The following TTYH3 variants were observed in gnomAD, a reference collection of about 807,000 sequenced individuals.
The protein encoded by TTYH3 is tweety family member 3.
In TTYH3, 23 loss-of-function variants were observed where a neutral mutation model predicts 68.2. The ratio of observed to expected loss-of-function variants is 0.34; its 90% CI spans 0.24 to 0.48. The LOEUF (loss-of-function observed/expected upper bound fraction) is 0.48. Ranked by LOEUF, TTYH3 falls within the 20% of genes least tolerant of loss-of-function variation. The probability of loss-of-function intolerance (pLI) is 0.99; values close to 1 mark genes in which losing one functional copy is unlikely to be tolerated. For synonymous variants in TTYH3, 360 were observed against 332.8 expected (o/e 1.08, Z -0.89); for missense variants, 768 against 727.7 (o/e 1.06, Z -0.64).
intron 10 of TTYH3, 42 bp from the exon 11 acceptor site, chr7:2,656,356 C>T: frequency 1.3e-6 from 2 of 1,594,526 alleles, no homozygotes; most frequent in Non-Finnish European, 1.7e-6. Flanking sequence ...CCCCTCCACC[C>T]TCCCTGTCTC....
At position 2,643,149 on chromosome 7, in the gene TTYH3, A is replaced by G. The variant is rs192240259; in HGVS notation, c.124-3704A>G. 2.6e-3 allele frequency among the ~76,000 whole-genome samples: 401 copies of G among 151,800 alleles called. 5 individuals are homozygous for G. Among genetic ancestry groups the G allele is most frequent in the African/African-American group, 9.1e-3 (378 of 41,350 alleles). ...GGCGGGCAGATCATGAGGTCAGGAA[A>G]TCGAGAGCATCCTGGCTAACACAGT... On this transcript the variant is annotated intron_variant, in intron 1 of 13. Coordinates refer to ENST00000258796, the MANE Select transcript of TTYH3 (RefSeq NM_025250.3).
intron 9 of TTYH3, among the ~76,000 whole-genome samples, chr7:2,654,893 T>C (rs1405530263): frequency 6.6e-6 from 1 of 152,180 alleles, no homozygotes; most frequent in Admixed American, 6.6e-5. Context: ...CCAGCGATTC[T>C]CCTGCTGAGT....
chr7:2,633,139 C>T (rs1785565596), intron 1 of TTYH3, among the ~76,000 whole-genome samples: 1 of 152,142 alleles, frequency 6.6e-6, no homozygotes, highest in Non-Finnish European at 1.5e-5. Flanking sequence ...GGGCAGGGGA[C>T]CAAGCTGTGG....
chr7:2,646,419 C>G (rs185588692), intron 1 of TTYH3, among the ~76,000 whole-genome samples: 1 of 152,250 alleles, frequency 6.6e-6, no homozygotes, highest in Non-Finnish European at 1.5e-5. Context: ...GCAGCGTCCT[C>G]GTTTGTCACC....
chr7:2,641,010 A>G (rs1481144682), intron 1 of TTYH3, among the ~76,000 whole-genome samples: 1 of 152,120 alleles, frequency 6.6e-6, no homozygotes, highest in African/African-American at 2.4e-5. Flanking sequence ...TGGCCTGTGT[A>G]TGGGGACAAT....
Position 2,633,764 on chromosome 7 carries a change from A to C in TTYH3, c.123+1486A>C, listed in dbSNP as rs1370500073. 5.3e-5 allele frequency among the ~76,000 whole-genome samples: 8 copies of C among 152,214 alleles called. No homozygotes were observed. The South Asian group carries it at 8.3e-4, about 16-fold the overall frequency. On this transcript the variant is annotated intron_variant, in intron 1 of 13. Coordinates refer to ENST00000258796, the MANE Select transcript of TTYH3 (RefSeq NM_025250.3). Reference sequence around the variant, plus strand: ...TTTGTCAGTTCTTAAGCTCCGGGGCAGCCCTGGGGCGTGGGGGGCGGCTGT... The same window carrying C: ...TTTGTCAGTTCTTAAGCTCCGGGGCCGCCCTGGGGCGTGGGGGGCGGCTGT...
At chr7:2,642,176 C>T (rs1198222269) in intron 1 of TTYH3, among the ~76,000 whole-genome samples, 1 of 152,216 alleles carries the variant, frequency 6.6e-6, no homozygotes. Context: ...AGGTGGATTG[C>T]TTGAGCCCAG....
At chr7:2,658,879 A>G in intron 12 of TTYH3, 61 bp from the exon 13 acceptor site, 1 of 1,547,760 alleles carries the variant, frequency 6.5e-7, no homozygotes, top group Non-Finnish European at 8.9e-7. Flanking sequence ...GGGCCCCCCG[A>G]CCTGCAGCTG....
intron 1 of TTYH3, among the ~76,000 whole-genome samples, chr7:2,638,769 T>A (rs975268907): frequency 6.6e-6 from 1 of 152,120 alleles, no homozygotes; most frequent in African/African-American, 2.4e-5. Context: ...CCGAGTGTGC[T>A]ATGGGTAGGG....
At position 2,652,173 on chromosome 7, in the gene TTYH3, A is replaced by T; in HGVS notation, c.872-14A>T. 1 of 1,613,118 alleles carries T rather than the reference A, an allele frequency of 6.2e-7. No individual in the cohort carries two copies. The highest frequency in any genetic ancestry group is 8.5e-7 in the Non-Finnish European group (1 of 1,179,780). ...AGCTGTTGCAGCTCAGCCTTCCCTGATGTCTCTCCGCAGACATCCTGCAGT... is the reference window on the plus strand; with the variant it reads ...AGCTGTTGCAGCTCAGCCTTCCCTGTTGTCTCTCCGCAGACATCCTGCAGT... On this transcript the variant is annotated splice_polypyrimidine_tract_variant and intron_variant, in intron 7 of 13. Coordinates refer to ENST00000258796, the MANE Select transcript of TTYH3 (RefSeq NM_025250.3).
rs796889810 is a variant in TTYH3 at position 2,659,573 on chromosome 7, C to T, written c.1500+558C>T. ...GCCTGGTGTCCCCTTTGACTTCCCG[C>T]GTAAGACACAGGCAGGAGGGGACAG... On this transcript the variant is annotated intron_variant, in intron 13 of 13. Transcript: ENST00000258796. Among the ~76,000 whole-genome samples the T allele has an allele frequency of 5.3e-5, 8 of 152,290 alleles. No homozygotes were observed. In the South Asian group the frequency reaches 8.3e-4, roughly 16 times the overall value.
intron 9 of TTYH3, among the ~76,000 whole-genome samples, chr7:2,654,141 T>C (rs1310053932): frequency 6.6e-6 from 1 of 152,150 alleles, no homozygotes; most frequent in Non-Finnish European, 1.5e-5. Context: ...ATGCCTGTCA[T>C]CTCAGCACTC....
intron 13 of TTYH3, chr7:2,660,437 C>T (rs1425493582): frequency 1.9e-5 from 19 of 985,308 alleles, no homozygotes; most frequent in East Asian, 2.3e-4. Flanking sequence ...GTGTCAGGGG[C>T]GTGCACACGG....
chr7:2,656,580 G>A, intron 11 of TTYH3, 46 bp downstream of exon 11: 1 of 1,582,034 alleles, frequency 6.3e-7, no homozygotes, highest in South Asian at 1.1e-5. Flanking sequence ...AGGCCACATG[G>A]CATGCGGGAC....
intron 1 of TTYH3, among the ~76,000 whole-genome samples, chr7:2,634,227 C>T (rs1465682555): frequency 1.3e-5 from 2 of 152,228 alleles, no homozygotes; most frequent in Non-Finnish European, 2.9e-5. Context: ...GCGTCCTGCC[C>T]CTGCCCTTCC....
chr7:2,656,859 A>T (rs2114996574), intron 11 of TTYH3, among the ~76,000 whole-genome samples: 1 of 152,302 alleles, frequency 6.6e-6, no homozygotes, highest in South Asian at 2.1e-4. Flanking sequence ...CTGGCCTCAG[A>T]CTGTCTACTC....
At chr7:2,659,081 G>A (rs1786420090) in intron 13 of TTYH3, 66 bp downstream of exon 13, 4 of 1,493,224 alleles carry the variant, frequency 2.7e-6, no homozygotes, top group Admixed American at 1.7e-5. Context: ...GTTCCACTGC[G>A]TCGGTGGGCT....
At position 2,663,619 on chromosome 7, in the gene TTYH3, G is replaced by C. The variant is rs1198348919; in HGVS notation, c.*1880G>C. On this transcript the variant is annotated 3_prime_UTR_variant, in exon 14 of 14. Coordinates refer to ENST00000258796, the MANE Select transcript of TTYH3 (RefSeq NM_025250.3). ...TTTCCTCTGGGCTTGACCCGCCAGG[G>C]GAGTTCTCCAGGCCTAGGGCCAGGA... The C allele has an allele frequency of 1.3e-5, 2 of 152,558 alleles. No homozygotes were observed. The highest frequency in any genetic ancestry group is 2.4e-5 in the African/African-American group (1 of 41,462). The allele number at this position is 152,558 out of a possible 1,614,324, so 9.5% of individuals were successfully genotyped here. A position where few individuals can be genotyped will look rare whatever the true frequency, so the allele number is the denominator to read the frequency against.
At chr7:2,638,981 G>C (rs1250158775) in intron 1 of TTYH3, among the ~76,000 whole-genome samples, 2 of 152,122 alleles carry the variant, frequency 1.3e-5, no homozygotes, top group African/African-American at 4.8e-5. Flanking sequence ...ACAAGTCTGG[G>C]CCCTAGGGAT....
Sources: gnomAD v4.1 joint callset for allele counts (sites outside exome capture counted in the v4.1 genomes callset) on GRCh38, gnomAD v4.1.1 for gene constraint, MANE v1.5 for transcripts, NCBI Gene and HGNC (gene_info 2026-07-23, HGNC 2026-07-21) for gene names.